Variants in FRMPD4 observed in about 807,000 individuals in gnomAD.
FRMPD4 encodes the protein FERM and PDZ domain-containing protein 4.
In FRMPD4, 22 loss-of-function variants were observed where a neutral mutation model predicts 94.1. The observed-to-expected ratio is 0.23, with a 90% confidence interval of 0.17 to 0.33. The LOEUF (loss-of-function observed/expected upper bound fraction) is 0.33. FRMPD4 is among the 10% of genes least tolerant of loss of function. The pLI is 1.00. For synonymous variants in FRMPD4, 631 were observed against 548.6 expected (o/e 1.15, Z -2.10); for missense variants, 1,111 against 1,339.9 (o/e 0.83, Z 2.67).
chrX:12,505,401 C>A (rs1189171128), intron 2 of FRMPD4, among the ~76,000 whole-genome samples: 1 of 110,763 alleles, frequency 9.0e-6, no homozygotes, highest in African/African-American at 3.3e-5. Context: ...GAGGCAGGTG[C>A]CTTTTCAGTA....
chrX:12,337,718 G>A (rs2055549218), intron 1 of FRMPD4, among the ~76,000 whole-genome samples: 1 of 112,243 alleles, frequency 8.9e-6, no homozygotes, highest in South Asian at 3.7e-4. Flanking sequence ...TCAAAAAAAG[G>A]CAGTTGGTGA....
chrX:12,242,909 A>T (rs1021650990), intron 1 of FRMPD4, among the ~76,000 whole-genome samples: 4 of 112,093 alleles, frequency 3.6e-5, no homozygotes, highest in African/African-American at 1.3e-4. Flanking sequence ...GCTAATTTTT[A>T]AAAATTTTTT....
intron 3 of FRMPD4, among the ~76,000 whole-genome samples, chrX:12,048,740 G>A (rs928248331): frequency 9.0e-6 from 1 of 111,531 alleles, no homozygotes; most frequent in Non-Finnish European, 1.9e-5. Flanking sequence ...TACTGAATAG[G>A]GAGTCCTTTC....
chrX:12,555,878 T>G (rs2058590273), intron 2 of FRMPD4, among the ~76,000 whole-genome samples: 1 of 112,241 alleles, frequency 8.9e-6, no homozygotes, highest in African/African-American at 3.2e-5. Flanking sequence ...TACCCACTTT[T>G]ATATCAAATT....
chrX:11,887,450 C>G (rs1007842847), intron 3 of FRMPD4, among the ~76,000 whole-genome samples: 4 of 112,152 alleles, frequency 3.6e-5, no homozygotes, highest in African/African-American at 1.3e-4. Context: ...CTGCACATAG[C>G]CCCTCCAGTA....
At chrX:12,546,739 A>G (rs1048509939) in intron 2 of FRMPD4, among the ~76,000 whole-genome samples, 1 of 111,072 alleles carries the variant, frequency 9.0e-6, no homozygotes, top group African/African-American at 3.3e-5. Context: ...ATTATGATCC[A>G]TTCATCTCAA....
chrX:12,122,339 T>C (rs2055462374), intron 3 of FRMPD4, among the ~76,000 whole-genome samples: 1 of 112,272 alleles, frequency 8.9e-6, no homozygotes, highest in Non-Finnish European at 1.9e-5. Context: ...CGGTGAGGGC[T>C]CCACATGGTC....
At chrX:11,982,764 T>C (rs1464885721) in intron 3 of FRMPD4, among the ~76,000 whole-genome samples, 5 of 112,189 alleles carry the variant, frequency 4.5e-5, no homozygotes, top group Admixed American at 9.4e-5. Context: ...TTTTCAAATC[T>C]GTTTCATGAT....
intron 2 of FRMPD4, among the ~76,000 whole-genome samples, chrX:12,536,783 A>C (rs1221393786): frequency 9.0e-6 from 1 of 111,456 alleles, no homozygotes; most frequent in Non-Finnish European, 1.9e-5. Flanking sequence ...CTGTAAACAG[A>C]TGCTAGGAAC....
chrX:12,587,674 G>A (rs2058944762), intron 2 of FRMPD4, among the ~76,000 whole-genome samples: 1 of 100,131 alleles, frequency 1.0e-5, no homozygotes. Context: ...GTGTGTGTGT[G>A]TCACTATTTG....
At chrX:12,577,514 T>A (rs1448408384) in intron 2 of FRMPD4, among the ~76,000 whole-genome samples, 1 of 110,559 alleles carries the variant, frequency 9.0e-6, no homozygotes. Context: ...GTGGGGAGCC[T>A]GAAGCCAGCA....
chrX:12,363,906 A>C (rs984926104), intron 1 of FRMPD4, among the ~76,000 whole-genome samples: 3 of 111,482 alleles, frequency 2.7e-5, no homozygotes, highest in Non-Finnish European at 3.8e-5. Flanking sequence ...GGTTAGAAAC[A>C]GGAGAGTACA....
chrX:12,567,870 T>C (rs2058727863), intron 2 of FRMPD4, among the ~76,000 whole-genome samples: 1 of 112,035 alleles, frequency 8.9e-6, no homozygotes, highest in Non-Finnish European at 1.9e-5. Context: ...CAGAGATGTT[T>C]AACCAAGAAT....
At chrX:12,533,460 G>C (rs539841346) in intron 2 of FRMPD4, among the ~76,000 whole-genome samples, 1 of 111,873 alleles carries the variant, frequency 8.9e-6, no homozygotes, top group African/African-American at 3.3e-5. Context: ...ACTGGGTAAC[G>C]GGCAGAGGTT....
intron 1 of FRMPD4, among the ~76,000 whole-genome samples, chrX:12,274,965 C>A (rs192760527): frequency 0.022 from 2,515 of 111,798 alleles, 66 homozygotes; most frequent in African/African-American, 0.078. Context: ...GCGGTGATCG[C>A]GCCACTGCAC....
chrX:12,653,973 G>A (rs763364154), intron 4 of FRMPD4, among the ~76,000 whole-genome samples: 1 of 111,686 alleles, frequency 9.0e-6, no homozygotes, highest in African/African-American at 3.3e-5. Flanking sequence ...CACCATGTTG[G>A]TCAGGCTGGT....
intron 3 of FRMPD4, among the ~76,000 whole-genome samples, chrX:11,932,825 C>T (rs760958612): frequency 9.0e-6 from 1 of 111,561 alleles, no homozygotes; most frequent in Non-Finnish European, 1.9e-5. Context: ...TCCATTCAGA[C>T]GCCTGCTCAA....
chrX:12,672,777 G>A (rs939277164), intron 4 of FRMPD4, among the ~76,000 whole-genome samples: 1 of 111,850 alleles, frequency 8.9e-6, no homozygotes, highest in East Asian at 2.8e-4. Context: ...GGAGTCCTAA[G>A]GGATCTGTAG....
chrX:12,428,927 C>T (rs2056982263), intron 1 of FRMPD4, among the ~76,000 whole-genome samples: 1 of 111,954 alleles, frequency 8.9e-6, no homozygotes, highest in Non-Finnish European at 1.9e-5. Flanking sequence ...TAGTTGCATG[C>T]TCCATGTATA....
Sources: gnomAD v4.1 joint callset for allele counts (sites outside exome capture counted in the v4.1 genomes callset) on GRCh38, gnomAD v4.1.1 for gene constraint, MANE v1.5 for transcripts, NCBI Gene and HGNC (gene_info 2026-07-23, HGNC 2026-07-21) for gene names.